Variants in ADAMTS16 observed in about 807,000 individuals in gnomAD.
ADAMTS16 encodes the protein ADAM metallopeptidase with thrombospondin type 1 motif 16.
A neutral mutation model predicts 145.8 loss-of-function variants in ADAMTS16; 94 were observed. That is an observed-to-expected ratio of 0.64 (90% CI 0.55 to 0.77). The LOEUF (loss-of-function observed/expected upper bound fraction) is 0.77, where lower values mean the gene tolerates loss of function less well. Ranked by LOEUF, ADAMTS16 falls within the 30% of genes least tolerant of loss-of-function variation. ADAMTS16 has a pLI of 0.00. For synonymous variants in ADAMTS16, 659 were observed against 604.3 expected, an observed-to-expected ratio of 1.09 and a Z score of -1.33; for missense variants, 1,585 against 1,591.5, an observed-to-expected ratio of 1.00 and a Z score of 0.07.
intron 3 of ADAMTS16, 136 bp downstream of exon 3, chr5:5,146,591 C>A: frequency 1.0e-6 from 1 of 994,702 alleles, no homozygotes; most frequent in Non-Finnish European, 1.4e-6. Flanking sequence ...AGGAATATTG[C>A]CAAGTAAAAC....
chr5:5,274,178 G>A (rs926014005), intron 18 of ADAMTS16, among the ~76,000 whole-genome samples: 2 of 152,046 alleles, frequency 1.3e-5, no homozygotes, highest in Non-Finnish European at 2.9e-5. Flanking sequence ...TGCTCCATTT[G>A]TAAAAATTTG....
chr5:5,270,602 A>C (rs1738429376), intron 18 of ADAMTS16, among the ~76,000 whole-genome samples: 3 of 152,372 alleles, frequency 2.0e-5, no homozygotes, highest in Admixed American at 6.5e-5. Flanking sequence ...AAAACACAGA[A>C]TAATGGACCT....
intron 10 of ADAMTS16, among the ~76,000 whole-genome samples, chr5:5,216,170 C>A (rs1169142388): frequency 6.6e-6 from 1 of 151,802 alleles, no homozygotes; most frequent in East Asian, 1.9e-4. Context: ...AGTGTAGAAG[C>A]GTTCCCTGTT....
intron 10 of ADAMTS16, among the ~76,000 whole-genome samples, chr5:5,217,187 T>A (rs1302633565): frequency 6.6e-6 from 1 of 151,546 alleles, no homozygotes; most frequent in Admixed American, 6.6e-5. Flanking sequence ...TTACACCTTA[T>A]ACAAAAATCA....
At chr5:5,177,221 G>C (rs1260993084) in intron 3 of ADAMTS16, among the ~76,000 whole-genome samples, 1 of 152,222 alleles carries the variant, frequency 6.6e-6, no homozygotes, top group Non-Finnish European at 1.5e-5. Context: ...GCAAGATTCA[G>C]CTTTAACCAG....
intron 20 of ADAMTS16, among the ~76,000 whole-genome samples, chr5:5,305,089 C>CCA (rs1200711150): frequency 4.1e-5 from 2 of 48,900 alleles, no homozygotes; most frequent in Admixed American, 1.8e-4. Context: ...ACATCCCACA[C>CCA]CACACACACA....
rs116765628 is a variant in ADAMTS16, at chr5:5,297,432, T to C, written c.2790-5836T>C. 4.8e-3 allele frequency among the ~76,000 whole-genome samples: 728 copies of C among 152,294 alleles called. 4 individuals are homozygous for C. Among genetic ancestry groups the C allele is most frequent in the African/African-American group, 0.016 (675 of 41,566 alleles). Reference sequence around the variant, plus strand: ...AATTAGAGTTGACTGGTTTCCCTTTTAAAAGGGAATGCAAAAGCCCCCAGT... The same window carrying C: ...AATTAGAGTTGACTGGTTTCCCTTTCAAAAGGGAATGCAAAAGCCCCCAGT... On this transcript the variant is annotated intron_variant, in intron 18 of 22. Transcript: ENST00000274181.
intron 12 of ADAMTS16, among the ~76,000 whole-genome samples, chr5:5,234,698 C>T (rs1007970935): frequency 2.6e-5 from 4 of 152,044 alleles, no homozygotes; most frequent in African/African-American, 9.6e-5. Context: ...GGTGAAACCT[C>T]GTCTTTACTA....
intron 3 of ADAMTS16, among the ~76,000 whole-genome samples, chr5:5,158,151 T>C (rs892930272): frequency 1.3e-5 from 2 of 152,202 alleles, no homozygotes; most frequent in African/African-American, 4.8e-5. Flanking sequence ...ATTTTTCTCT[T>C]TATGAAGACT....
At chr5:5,215,760 T>C (rs1226155044) in intron 10 of ADAMTS16, among the ~76,000 whole-genome samples, 1 of 146,306 alleles carries the variant, frequency 6.8e-6, no homozygotes, top group Non-Finnish European at 1.5e-5. Flanking sequence ...TGTATATATA[T>C]GTATGTGGTA....
At chr5:5,253,313 G>T (rs572665817) in intron 17 of ADAMTS16, among the ~76,000 whole-genome samples, 1 of 152,328 alleles carries the variant, frequency 6.6e-6, no homozygotes, top group South Asian at 2.1e-4. Context: ...GTCCGGTAAG[G>T]CGGGACAACT....
At chr5:5,167,817 G>A (rs1032565209) in intron 3 of ADAMTS16, among the ~76,000 whole-genome samples, 1 of 152,224 alleles carries the variant, frequency 6.6e-6, no homozygotes, top group Non-Finnish European at 1.5e-5. Flanking sequence ...GCCACATGTG[G>A]CAATTGAGGA....
chr5:5,206,936 A>T (rs985540869), intron 9 of ADAMTS16, among the ~76,000 whole-genome samples: 1 of 152,078 alleles, frequency 6.6e-6, no homozygotes, highest in Non-Finnish European at 1.5e-5. Context: ...TGTTCCACTG[A>T]TCTATTTGTC....
chr5:5,232,241 G>A, intron 11 of ADAMTS16, 127 bp from the exon 12 acceptor site: 4 of 955,584 alleles, frequency 4.2e-6, no homozygotes, highest in Non-Finnish European at 6.0e-6. Context: ...CTGCTTGAGT[G>A]TAGGGGGAGG....
At chr5:5,213,921 G>A (rs1736345627) in intron 10 of ADAMTS16, among the ~76,000 whole-genome samples, 2 of 152,216 alleles carry the variant, frequency 1.3e-5, no homozygotes, top group South Asian at 4.2e-4. Context: ...GACACCTGGG[G>A]CCCCCAGCCC....
intron 4 of ADAMTS16, among the ~76,000 whole-genome samples, chr5:5,185,236 T>G (rs532804420): frequency 7.9e-5 from 12 of 152,194 alleles, no homozygotes; most frequent in Non-Finnish European, 1.8e-4. Context: ...TCAAACAAAA[T>G]AGCATCTGCT....
At chr5:5,271,584 T>C (rs1738476936) in intron 18 of ADAMTS16, among the ~76,000 whole-genome samples, 1 of 152,268 alleles carries the variant, frequency 6.6e-6, no homozygotes, top group Non-Finnish European at 1.5e-5. Context: ...CCCTTTATAC[T>C]TCTCAGTTTA....
Position 5,260,724 on chromosome 5 carries a change from G to A in ADAMTS16, c.2663-1933G>A, listed in dbSNP as rs148903030. Among the ~76,000 whole-genome samples, 430 of 152,296 alleles carry A rather than the reference G, an allele frequency of 2.8e-3. 4 individuals are homozygous for A. The highest frequency in any genetic ancestry group is 0.02 in the East Asian group (104 of 5,186). ...ACACTTGAGAAAACTGATACTGTAC[G>A]GAGTGCAACTTTCCCTTCTGAAGGG... On this transcript the variant is annotated intron_variant, in intron 17 of 22. Coordinates refer to ENST00000274181, the MANE Select transcript of ADAMTS16 (RefSeq NM_139056.4).
intron 9 of ADAMTS16, 37 bp from the exon 10 acceptor site, chr5:5,209,056 G>A (rs549677303): frequency 9.3e-5 from 149 of 1,596,500 alleles, no homozygotes; most frequent in South Asian, 5.8e-4. Context: ...GTTACTCTAC[G>A]GGCAGTTACT....
Sources: gnomAD v4.1 joint callset for allele counts (sites outside exome capture counted in the v4.1 genomes callset) on GRCh38, gnomAD v4.1.1 for gene constraint, MANE v1.5 for transcripts, NCBI Gene and HGNC (gene_info 2026-07-23, HGNC 2026-07-21) for gene names.